Variants in SRBD1 observed in about 807,000 individuals in gnomAD.
SRBD1 encodes the protein S1 RNA binding domain 1.
In SRBD1, 88 loss-of-function variants were observed where a neutral mutation model predicts 115.3. The observed-to-expected ratio is 0.76, with a 90% CI of 0.64 to 0.91. The LOEUF is 0.91. SRBD1 is among the 40% of genes least tolerant of loss of function. SRBD1 has a pLI of 0.00. For missense variants in SRBD1, 1,385 were observed against 1,177.4 expected, an observed-to-expected ratio of 1.18 and a Z score of -2.58; for synonymous variants, 509 against 407.7, an observed-to-expected ratio of 1.25 and a Z score of -2.99.
chr2:45,571,540 A>AAAAAAAAAAAC, intron 9 of SRBD1, among the ~76,000 whole-genome samples: 1 of 147,600 alleles, frequency 6.8e-6, no homozygotes, highest in Non-Finnish European at 1.5e-5. Flanking sequence ...AAAAAAAAAA[A>AAAAAAAAAAAC]AACTGTCCAT....
In SRBD1 at chr2:45,477,028, T is replaced by A. The variant is rs1266639122; in HGVS notation, c.2014A>T (p.Ile672Phe). 6.2e-7 allele frequency: 1 copy of A among 1,613,776 alleles called. No homozygotes were observed. Residue 672 changes from isoleucine (I) to phenylalanine (F), a missense_variant, in exon 16 of 21, where the codon ATT becomes TTT. Physicochemically the swap from Ile to Phe is conservative, Grantham distance 21 (BLOSUM62 0). Coordinates refer to ENST00000263736, the MANE Select transcript of SRBD1 (RefSeq NM_018079.5). ...VQDPLAELVKIEPKHIGVGMY... is the reference protein window; with the variant it reads ...VQDPLAELVKFEPKHIGVGMY... ...CCAACTCCAATGTGCTTTGGCTCAA[T>A]TTTCACTAGCTCAGCTAATGGATCT...
chr2:45,497,449 G>C (rs1670493906), intron 14 of SRBD1, among the ~76,000 whole-genome samples: 1 of 152,064 alleles, frequency 6.6e-6, no homozygotes, highest in Non-Finnish European at 1.5e-5. Context: ...CTTCAATCTA[G>C]AGCAGTAATT....
intron 16 of SRBD1, among the ~76,000 whole-genome samples, chr2:45,428,688 C>T (rs1003687531): frequency 6.6e-6 from 1 of 152,116 alleles, no homozygotes; most frequent in African/African-American, 2.4e-5. Context: ...AAATTTACAG[C>T]ACTAAATGCC....
chr2:45,533,970 C>G (rs1671688564), intron 14 of SRBD1, among the ~76,000 whole-genome samples: 1 of 151,944 alleles, frequency 6.6e-6, no homozygotes, highest in Admixed American at 6.6e-5. Context: ...GGGCTTTAGG[C>G]CATTTCTAAT....
At chr2:45,392,882 AT>A (rs2103814248) in intron 20 of SRBD1, 62 bp downstream of exon 20, 1 of 1,439,398 alleles carries the variant, frequency 6.9e-7, no homozygotes, top group South Asian at 1.4e-5. Flanking sequence ...TGCTGTGAGG[AT>A]CAAAGGAGAT....
chr2:45,534,272 T>C (rs1671698607), intron 14 of SRBD1, among the ~76,000 whole-genome samples: 1 of 152,046 alleles, frequency 6.6e-6, no homozygotes, highest in Non-Finnish European at 1.5e-5. Context: ...ACATTCTGCC[T>C]TTCAACAAAA....
chr2:45,451,349 ATAT>A (rs895201303), intron 16 of SRBD1, among the ~76,000 whole-genome samples: 1 of 152,110 alleles, frequency 6.6e-6, no homozygotes, highest in Non-Finnish European at 1.5e-5. Flanking sequence ...CATATGAAAA[ATAT>A]TATTTCGCTT....
intron 9 of SRBD1, chr2:45,569,131 C>T (rs895508504): frequency 6.6e-6 from 1 of 152,174 alleles, no homozygotes; most frequent in African/African-American, 2.4e-5. Context: ...TGTCTTGTTA[C>T]AACAAAACAA....
intron 10 of SRBD1, among the ~76,000 whole-genome samples, chr2:45,560,828 A>T (rs1480447974): frequency 6.6e-6 from 1 of 152,082 alleles, no homozygotes; most frequent in Non-Finnish European, 1.5e-5. Flanking sequence ...ACAACTAGCC[A>T]GGCATGGTGG....
chr2:45,542,062 G>A (rs1671959103), intron 14 of SRBD1, among the ~76,000 whole-genome samples: 1 of 152,240 alleles, frequency 6.6e-6, no homozygotes, highest in South Asian at 2.1e-4. Context: ...CCATCAGCAT[G>A]CATCCATGGT....
At chr2:45,554,982 G>A (rs537744318) in intron 10 of SRBD1, among the ~76,000 whole-genome samples, 1 of 152,148 alleles carries the variant, frequency 6.6e-6, no homozygotes, top group African/African-American at 2.4e-5. Context: ...CCACCAAGAA[G>A]CTGACTCACC....
rs1558563510 is a variant in SRBD1, at chr2:45,414,786, A to AG, written c.2334-1494_2334-1493insC. ...GTGTATATAGTATGTACACACACACATAGTGTGTATATAGTATGTACACAC... is the reference window on the plus strand; with the variant it reads ...GTGTATATAGTATGTACACACACACAGTAGTGTGTATATAGTATGTACACAC... On this transcript the variant is annotated intron_variant, in intron 18 of 20. Transcript: ENST00000263736. Among the ~76,000 whole-genome samples the AG allele has an allele frequency of 6.5e-4, 48 of 73,934 alleles. 5 individuals are homozygous for AG. The highest frequency in any genetic ancestry group is 1.5e-3 in the African/African-American group (38 of 24,710). 48.5% of individuals were successfully genotyped at this position (73,934 alleles called of 152,430 possible). A position where few individuals can be genotyped will look rare whatever the true frequency, so the allele number is the denominator to read the frequency against.
At chr2:45,540,961 G>A (rs1250593652) in intron 14 of SRBD1, among the ~76,000 whole-genome samples, 2 of 152,250 alleles carry the variant, frequency 1.3e-5, no homozygotes, top group African/African-American at 2.4e-5. Context: ...AGACACCTCT[G>A]TGGCCAGTGG....
intron 9 of SRBD1, among the ~76,000 whole-genome samples, chr2:45,571,340 T>C (rs1329822145): frequency 1.3e-5 from 2 of 151,922 alleles, no homozygotes; most frequent in Admixed American, 6.6e-5. Context: ...AGATGGTTAC[T>C]AAGCTAACAA....
chr2:45,420,382 A>G (rs1430880672), intron 16 of SRBD1, among the ~76,000 whole-genome samples: 1 of 152,244 alleles, frequency 6.6e-6, no homozygotes, highest in African/African-American at 2.4e-5. Context: ...AAGCAGTAAA[A>G]TAACAGTAAG....
At chr2:45,525,471 T>C (rs1027414049) in intron 14 of SRBD1, among the ~76,000 whole-genome samples, 5 of 151,926 alleles carry the variant, frequency 3.3e-5, no homozygotes, top group African/African-American at 1.2e-4. Context: ...AAATAAAAAA[T>C]AGTAACAGTT....
rs567333675 is a variant in SRBD1 at position 45,537,902 on chromosome 2, G to A, written c.1874+8830C>T. ...GGAAGGCAAGGATGGGTAAGAAAGA[G>A]AATAGGTGCAAGCCTAAGGTATGAG... On this transcript the variant is annotated intron_variant, in intron 14 of 20. Coordinates refer to ENST00000263736, the MANE Select transcript of SRBD1 (RefSeq NM_018079.5). Among the ~76,000 whole-genome samples, 3 of 152,320 alleles carry A rather than the reference G, an allele frequency of 2.0e-5. No individual in the cohort carries two copies. The South Asian group carries it at 6.2e-4, about 32-fold the overall frequency.
chr2:45,463,676 A>G (rs1669393857), intron 16 of SRBD1, among the ~76,000 whole-genome samples: 1 of 152,224 alleles, frequency 6.6e-6, no homozygotes, highest in Non-Finnish European at 1.5e-5. Context: ...CAAGATTGTT[A>G]GTGTGCCAAA....
intron 16 of SRBD1, among the ~76,000 whole-genome samples, chr2:45,466,382 CTT>C (rs375120221): frequency 1.8e-4 from 27 of 152,286 alleles, no homozygotes; most frequent in African/African-American, 6.5e-4. Context: ...CTGCCTCCCT[CTT>C]CAGCATATTC....
Sources: allele counts gnomAD v4.1 joint callset (sites outside exome capture counted in the v4.1 genomes callset), GRCh38; gene constraint gnomAD v4.1.1; transcripts MANE v1.5; gene names NCBI Gene and HGNC (gene_info 2026-07-23, HGNC 2026-07-21).